Variants in ENPP2 observed in about 807,000 individuals in gnomAD.
ENPP2 encodes the protein ectonucleotide pyrophosphatase/phosphodiesterase 2.
In ENPP2, 51 loss-of-function variants were observed where a neutral mutation model predicts 120.2. The observed-to-expected ratio is 0.42, with a 90% CI of 0.34 to 0.54. ENPP2 has a LOEUF of 0.54. Among genes scored for constraint, ENPP2 ranks in the 20% least tolerant of loss-of-function variants. ENPP2 has a pLI of 0.04. For missense variants in ENPP2, 920 were observed against 1,066.5 expected, an observed-to-expected ratio of 0.86 and a Z score of 1.91; for synonymous variants, 365 against 366.4, an observed-to-expected ratio of 1.00 and a Z score of 0.04.
Position 119,619,260 on chromosome 8 carries a change from C to A in ENPP2, c.463G>T (p.Ala155Ser), listed in dbSNP as rs749836696. 2 of 1,611,610 alleles carry A rather than the reference C, an allele frequency of 1.2e-6. No homozygotes were observed. The highest frequency in any genetic ancestry group is 1.7e-6 in the Non-Finnish European group (2 of 1,177,912). The change falls in exon 5 of 25, where the codon GCA becomes TCA. Residue 155 changes from alanine to serine, a missense_variant. Ala to Ser is a moderately conservative substitution (Grantham distance 99). Coordinates refer to ENST00000075322, the MANE Select transcript of ENPP2 (RefSeq NM_001040092.3). ...VDDDCEEIKA[A>S]ECPAGFVRPP... is the part of the protein sequence containing the mutation. The stretch of plus-strand genomic sequence containing the variant: ...TACACTTACCCTGCAGGGCATTCTG[C>A]GGCCTTTATTTCCTCACAGTCATCA...
At chr8:119,566,245 C>T (rs866255943) in intron 22 of ENPP2, among the ~76,000 whole-genome samples, 3 of 152,130 alleles carry the variant, frequency 2.0e-5, no homozygotes, top group Admixed American at 6.6e-5. Flanking sequence ...TGGAGAAAAA[C>T]AAGAGAATAA....
intron 4 of ENPP2, among the ~76,000 whole-genome samples, chr8:119,620,968 G>A (rs1021436441): frequency 1.3e-5 from 2 of 152,064 alleles, no homozygotes; most frequent in East Asian, 1.9e-4. Flanking sequence ...AGAGGGAGGC[G>A]AGGCTAACTG....
At position 119,626,784 on chromosome 8, in the gene ENPP2, C is replaced by T. The variant is rs1816310898; in HGVS notation, c.137-64G>A. The stretch of plus-strand genomic sequence containing the variant: ...TGGTCATGTCACCATGGAAAGGTGG[C>T]ACTGGGAAGCTGTGCGGTGTGATGC... On this transcript the variant is annotated intron_variant, in intron 2 of 24. Coordinates refer to ENST00000075322, the MANE Select transcript of ENPP2 (RefSeq NM_001040092.3). 4 of 1,488,090 alleles carry T rather than the reference C, an allele frequency of 2.7e-6. No individual in the cohort carries two copies. The East Asian group carries it at 9.1e-5, about 34-fold the overall frequency. The allele number at this position is 1,488,090 out of a possible 1,614,324, so 92.2% of individuals were successfully genotyped here. A position where few individuals can be genotyped will look rare whatever the true frequency, so the allele number is the denominator to read the frequency against.
At chr8:119,563,035 A>AT (rs1814101388) in intron 23 of ENPP2, 22 bp from the exon 24 acceptor site, 1 of 1,609,030 alleles carries the variant, frequency 6.2e-7, no homozygotes, top group Admixed American at 1.7e-5. Flanking sequence ...AGGTAAAACG[A>AT]AGTCACAGTT....
At chr8:119,635,276 T>TAAG (rs1816931486) in intron 2 of ENPP2, among the ~76,000 whole-genome samples, 1 of 152,218 alleles carries the variant, frequency 6.6e-6, no homozygotes, top group Non-Finnish European at 1.5e-5. Context: ...TCACATACTT[T>TAAG]TCAACTTTCC....
intron 9 of ENPP2, among the ~76,000 whole-genome samples, chr8:119,605,372 A>C (rs1020808169): frequency 6.6e-6 from 1 of 151,044 alleles, no homozygotes; most frequent in Admixed American, 6.6e-5. Context: ...GGCCATAAGC[A>C]TTTTAAATAT....
intron 22 of ENPP2, among the ~76,000 whole-genome samples, chr8:119,567,188 A>C (rs1227764674): frequency 6.6e-6 from 1 of 152,188 alleles, no homozygotes; most frequent in Non-Finnish European, 1.5e-5. Flanking sequence ...GTTCACTACA[A>C]ATGTACTGAA....
chr8:119,590,751 C>A (rs1813438901), intron 12 of ENPP2, 121 bp from the exon 13 acceptor site: 5 of 613,720 alleles, frequency 8.1e-6, no homozygotes, highest in African/African-American at 1.9e-5. Flanking sequence ...ATGGGAAGAG[C>A]CCTGACTTTT....
chr8:119,644,653 GATAT>G (rs57182103), intron 1 of ENPP2, among the ~76,000 whole-genome samples: 7 of 91,828 alleles, frequency 7.6e-5, no homozygotes, highest in African/African-American at 2.0e-4. Flanking sequence ...CACACATATA[GATAT>G]ATATATATAT....
Position 119,573,408 on chromosome 8 carries a change from T to TAAA in ENPP2, c.1781-2570_1781-2568dup, listed in dbSNP as rs35227070. The stretch of plus-strand genomic sequence containing the variant: ...GGTGACAGAGCGAGGCTCCGTCTCT[T>TAAA]AAAAAAAAAAAAAAAAAAGATTCAT... On this transcript the variant is annotated intron_variant, in intron 19 of 24. Coordinates refer to ENST00000075322, the MANE Select transcript of ENPP2 (RefSeq NM_001040092.3). Among the ~76,000 whole-genome samples the TAAA allele has an allele frequency of 3.1e-3, 387 of 124,386 alleles. 2 individuals carry two copies. Among genetic ancestry groups the TAAA allele is most frequent in the South Asian group, 0.028 (101 of 3,548 alleles). The allele number at this position is 124,386 out of a possible 152,430, so 81.6% of individuals were successfully genotyped here.
At chr8:119,651,550 T>C (rs550752878) in intron 1 of ENPP2, among the ~76,000 whole-genome samples, 1 of 152,144 alleles carries the variant, frequency 6.6e-6, no homozygotes, top group Admixed American at 6.5e-5. Context: ...TGGGAAGACC[T>C]CAAAGGAATG....
chr8:119,662,909 G>C (rs958394672), intron 1 of ENPP2, among the ~76,000 whole-genome samples: 1 of 152,060 alleles, frequency 6.6e-6, no homozygotes, highest in Non-Finnish European at 1.5e-5. Flanking sequence ...TCAGGAGTTC[G>C]AGATCAGCCT....
chr8:119,571,985 C>T (rs1815031534), intron 19 of ENPP2: 2 of 533,262 alleles, frequency 3.8e-6, no homozygotes, highest in East Asian at 6.2e-5. Flanking sequence ...TCGGCTGCTC[C>T]AGCATTGCAG....
chr8:119,653,775 C>T (rs59205653), intron 1 of ENPP2, among the ~76,000 whole-genome samples: 27,447 of 151,928 alleles, frequency 0.18, 2,828 homozygotes, highest in East Asian at 0.44. Context: ...ACTCTTACTG[C>T]TGTTCAGGAA....
chr8:119,642,203 C>T (rs547993150), upstream of ENPP2, among the ~76,000 whole-genome samples: 1 of 152,188 alleles, frequency 6.6e-6, no homozygotes, highest in South Asian at 2.1e-4. Flanking sequence ...TTTTGAATAC[C>T]CATTTTCAAG....
intron 9 of ENPP2, among the ~76,000 whole-genome samples, chr8:119,602,837 T>C (rs1270063602): frequency 6.6e-6 from 1 of 152,234 alleles, no homozygotes; most frequent in Non-Finnish European, 1.5e-5. Context: ...TGTGGAACAT[T>C]GGTGAGCCAT....
intron 21 of ENPP2, among the ~76,000 whole-genome samples, chr8:119,568,597 G>A (rs141791797): frequency 1.3e-5 from 2 of 151,832 alleles, no homozygotes; most frequent in Admixed American, 6.6e-5. Flanking sequence ...GATGGTTTAA[G>A]GGCTTCAGAT....
At chr8:119,644,709 A>G (rs1446370084) in intron 1 of ENPP2, among the ~76,000 whole-genome samples, 1 of 148,670 alleles carries the variant, frequency 6.7e-6, no homozygotes, top group Non-Finnish European at 1.5e-5. Flanking sequence ...TAAACACTAA[A>G]AATGCATTTA....
At chr8:119,595,944 G>C (rs572694826) in intron 11 of ENPP2, 1 of 1,613,890 alleles carries the variant, frequency 6.2e-7, no homozygotes, top group Admixed American at 1.7e-5. Flanking sequence ...TCTCCTCTTA[G>C]GGGCAACTTT....
Sources: allele counts gnomAD v4.1 joint callset (sites outside exome capture counted in the v4.1 genomes callset), GRCh38; gene constraint gnomAD v4.1.1; transcripts MANE v1.5; gene names NCBI Gene and HGNC (gene_info 2026-07-23, HGNC 2026-07-21).